Variants in CPN1 observed in about 807,000 individuals in gnomAD.
CPN1 encodes carboxypeptidase N catalytic chain.
Under a neutral mutation model 46.4 loss-of-function variants are expected in CPN1, and 37 were observed. The observed-to-expected ratio is 0.80, with a 90% CI of 0.61 to 1.05. The LOEUF (loss-of-function observed/expected upper bound fraction) is 1.05, where lower values mean the gene tolerates loss of function less well. Ranked by LOEUF, CPN1 falls within the 50% of genes least tolerant of loss-of-function variation. CPN1 has a pLI of 0.00. For synonymous variants in CPN1, 224 were observed against 235.4 expected (o/e 0.95, Z 0.44); for missense variants, 563 against 602.6 (o/e 0.93, Z 0.69).
intron 2 of CPN1, among the ~76,000 whole-genome samples, chr10:100,073,446 C>G (rs2041497099): frequency 1.3e-5 from 2 of 152,122 alleles, no homozygotes; most frequent in Admixed American, 1.3e-4. Context: ...GTTGTGTTTC[C>G]TATTACTGCT....
intron 3 of CPN1, among the ~76,000 whole-genome samples, chr10:100,068,562 T>G (rs983413986): frequency 2.4e-4 from 37 of 152,184 alleles, no homozygotes; most frequent in Non-Finnish European, 3.7e-4. Context: ...TTTGTTTGTT[T>G]TGGAGACAGG....
intron 1 of CPN1, among the ~76,000 whole-genome samples, chr10:100,077,918 A>C (rs2041524525): frequency 6.6e-6 from 1 of 151,984 alleles, no homozygotes; most frequent in South Asian, 2.1e-4. Context: ...CAACAACAAC[A>C]CTTTTTTTAA....
chr10:100,057,301 T>C, intron 5 of CPN1, 149 bp from the exon 6 acceptor site: 1 of 886,752 alleles, frequency 1.1e-6, no homozygotes, highest in Non-Finnish European at 1.7e-6. Flanking sequence ...GCACATAATG[T>C]GTACATATTC....
chr10:100,045,317 T>TGTATCC (rs1254647688), intron 8 of CPN1, among the ~76,000 whole-genome samples: 1 of 152,202 alleles, frequency 6.6e-6, no homozygotes, highest in East Asian at 1.9e-4. Flanking sequence ...AACTTATATA[T>TGTATCC]GTAGCTGCTT....
At chr10:100,047,578 C>G (rs1443027647) in intron 8 of CPN1, among the ~76,000 whole-genome samples, 1 of 152,214 alleles carries the variant, frequency 6.6e-6, no homozygotes, top group Non-Finnish European at 1.5e-5. Flanking sequence ...GCTGTACCTA[C>G]TTTGTTGAAC....
At chr10:100,059,794 G>T (rs1345869183) in intron 5 of CPN1, among the ~76,000 whole-genome samples, 2 of 152,138 alleles carry the variant, frequency 1.3e-5, no homozygotes, top group Non-Finnish European at 2.9e-5. Context: ...TGCACATCAG[G>T]TTTGTAGCAC....
chr10:100,066,481 A>G (rs1014696509), intron 3 of CPN1, among the ~76,000 whole-genome samples: 9 of 152,214 alleles, frequency 5.9e-5, no homozygotes, highest in African/African-American at 2.2e-4. Context: ...CATGTAGAAC[A>G]CACTCCTGTG....
At chr10:100,043,096 A>G (rs1026659571) in intron 8 of CPN1, among the ~76,000 whole-genome samples, 10 of 150,074 alleles carry the variant, frequency 6.7e-5, no homozygotes, top group African/African-American at 2.5e-4. Context: ...CATCTCAAAA[A>G]AAAAAAAAAA....
intron 5 of CPN1, among the ~76,000 whole-genome samples, chr10:100,059,910 A>G (rs1002212268): frequency 3.3e-5 from 5 of 152,220 alleles, no homozygotes; most frequent in Non-Finnish European, 5.9e-5. Flanking sequence ...GTTCAGCCTT[A>G]AAAAGTAAGG....
chr10:100,058,855 A>G (rs889466437), intron 5 of CPN1, among the ~76,000 whole-genome samples: 4 of 152,212 alleles, frequency 2.6e-5, no homozygotes, highest in African/African-American at 7.2e-5. Flanking sequence ...ATATAGATCA[A>G]TGGAAAGGAA....
chr10:100,081,211 G>C (rs1480511727), intron 1 of CPN1, among the ~76,000 whole-genome samples, 192 bp downstream of exon 1: 1 of 152,218 alleles, frequency 6.6e-6, no homozygotes, highest in East Asian at 1.9e-4. Flanking sequence ...AGATCTGAAG[G>C]CTGAAGGAGG....
chr10:100,051,798 G>A (rs2041355801), intron 7 of CPN1, among the ~76,000 whole-genome samples: 1 of 152,102 alleles, frequency 6.6e-6, no homozygotes, highest in South Asian at 2.1e-4. Context: ...CAAAGCGCTG[G>A]GATTACAGGC....
rs2041321310 is a variant in CPN1 at position 100,047,428 on chromosome 10, G to A, written c.1230+1330C>T. 2.6e-5 allele frequency among the ~76,000 whole-genome samples: 4 copies of A among 152,182 alleles called. No individual in the cohort carries two copies. The South Asian group carries it at 6.2e-4, about 24-fold the overall frequency. On this transcript the variant is annotated intron_variant, in intron 8 of 8. Transcript: ENST00000370418. ...GTCATGAGTCCCTCTTTCCAGAGAG[G>A]GTACTGACCCACACACAGAAGGAAG...
At chr10:100,056,895 C>G in intron 6 of CPN1, 118 bp downstream of exon 6, 2 of 1,247,896 alleles carry the variant, frequency 1.6e-6, no homozygotes, top group Non-Finnish European at 2.3e-6. Context: ...AAGAAGACGC[C>G]CAGATCTATT....
chr10:100,043,497 G>A (rs112614428), intron 8 of CPN1, among the ~76,000 whole-genome samples: 27 of 152,230 alleles, frequency 1.8e-4, no homozygotes, highest in African/African-American at 6.0e-4. Context: ...GATTGACGGT[G>A]CTGTAACAAT....
At chr10:100,046,494 C>T (rs1034078539) in intron 8 of CPN1, among the ~76,000 whole-genome samples, 7 of 152,022 alleles carry the variant, frequency 4.6e-5, no homozygotes, top group African/African-American at 1.7e-4. Flanking sequence ...AAAATTAGGC[C>T]AGGTGCAGTG....
chr10:100,055,184 G>C (rs1341967856), intron 6 of CPN1, among the ~76,000 whole-genome samples: 1 of 151,800 alleles, frequency 6.6e-6, no homozygotes, highest in Non-Finnish European at 1.5e-5. Context: ...GTTGCAGTGG[G>C]CTTAGATCAC....
chr10:100,058,074 A>G (rs572899275), intron 5 of CPN1, among the ~76,000 whole-genome samples: 9 of 151,914 alleles, frequency 5.9e-5, no homozygotes, highest in Non-Finnish European at 1.0e-4. Flanking sequence ...TCTTTCCTCC[A>G]TAACATTTTT....
At chr10:100,066,059 G>T (rs539250799) in intron 3 of CPN1, among the ~76,000 whole-genome samples, 4 of 151,734 alleles carry the variant, frequency 2.6e-5, no homozygotes, top group Non-Finnish European at 5.9e-5. Context: ...GGACTCAAGC[G>T]ATCCTCCTAC....
Sources: allele counts gnomAD v4.1 joint callset (sites outside exome capture counted in the v4.1 genomes callset), GRCh38; gene constraint gnomAD v4.1.1; transcripts MANE v1.5; gene names NCBI Gene and HGNC (gene_info 2026-07-23, HGNC 2026-07-21).